Variants in IGF2R observed in about 807,000 individuals in gnomAD.
The protein encoded by IGF2R is cation-independent mannose-6-phosphate receptor.
In IGF2R, 91 loss-of-function variants were observed where a neutral mutation model predicts 270.6. That is an observed-to-expected ratio of 0.34 (90% confidence interval 0.28 to 0.40). The LOEUF is 0.40. Among genes scored for constraint, IGF2R ranks in the 10% least tolerant of loss-of-function variants. The pLI is 1.00. For missense variants in IGF2R, 2,805 were observed against 3,188.3 expected, an observed-to-expected ratio of 0.88 and a Z score of 2.90; for synonymous variants, 1,316 against 1,258.9, an observed-to-expected ratio of 1.05 and a Z score of -0.96.
chr6:160,034,642 G>A (rs1777773500), intron 10 of IGF2R, 120 bp downstream of exon 10: 1 of 653,280 alleles, frequency 1.5e-6, no homozygotes, highest in African/African-American at 1.8e-5. Context: ...CCCTCCTTTG[G>A]ACTGGCCAGC....
In IGF2R at chr6:160,040,728, CT is replaced by C. The variant is rs1562353309; in HGVS notation, c.1480+5del. ...TCCGCGCTGGTCCGCCATGCAGGTA[CT>C]GCCCTCCTTGCCATGCGGGTCTTAG... is the stretch of plus-strand genomic sequence containing the variant. On this transcript the variant is annotated splice_donor_5th_base_variant and intron_variant, in intron 11 of 47. Coordinates refer to ENST00000356956, the MANE Select transcript of IGF2R (RefSeq NM_000876.4). 1.2e-6 allele frequency: 2 copies of C among 1,609,720 alleles called. No individual in the cohort carries two copies. The highest frequency in any genetic ancestry group is 3.4e-5 in the Admixed American group (2 of 59,674).
In IGF2R at chr6:160,004,642, G is replaced by A; in HGVS notation, c.290-4368G>A. 1 of 154,250 alleles carries A rather than the reference G, an allele frequency of 6.5e-6. No individual in the cohort carries two copies. The highest frequency in any genetic ancestry group is 1.4e-5 in the Non-Finnish European group (1 of 69,552). 9.6% of individuals were successfully genotyped at this position (154,250 alleles called of 1,614,324 possible). On this transcript the variant is annotated intron_variant, in intron 2 of 47. Coordinates refer to ENST00000356956, the MANE Select transcript of IGF2R (RefSeq NM_000876.4). This position sits in a 1 kb window ranked among gnomAD's most constrained non-coding sequence, Gnocchi z 5.2. The stretch of plus-strand genomic sequence containing the variant: ...TGCGGATTCTGGAGAACCTCAAGGT[G>A]CGGCCCCGGGGGTGTGGCCAAGTGT...
At chr6:159,974,528 TAA>T (rs953753572) in intron 1 of IGF2R, among the ~76,000 whole-genome samples, 3 of 152,176 alleles carry the variant, frequency 2.0e-5, no homozygotes, top group African/African-American at 2.4e-5. Context: ...AGAACAGATT[TAA>T]AAAAATTTGA....
intron 20 of IGF2R, among the ~76,000 whole-genome samples, chr6:160,056,904 G>C (rs1778328752): frequency 6.6e-6 from 1 of 152,202 alleles, no homozygotes; most frequent in African/African-American, 2.4e-5. Flanking sequence ...CTAGAGGGTA[G>C]AGCCCGTATG....
chr6:159,991,829 G>T (rs957879787), intron 2 of IGF2R, among the ~76,000 whole-genome samples: 1 of 152,244 alleles, frequency 6.6e-6, no homozygotes, highest in African/African-American at 2.4e-5. Flanking sequence ...CTCAGAGAAA[G>T]AGGTGCAGCC....
rs79814867 is a variant in IGF2R at position 160,058,669 on chromosome 6, C to T, written c.2899-237C>T. On this transcript the variant is annotated intron_variant, in intron 21 of 47. Transcript: ENST00000356956. ...AGTAGATCTTACACATTTATAGATACGGGGATGTATGAATTTAAATGATGT... is the reference window on the plus strand; with the variant it reads ...AGTAGATCTTACACATTTATAGATATGGGGATGTATGAATTTAAATGATGT... Among the ~76,000 whole-genome samples the T allele has an allele frequency of 7.5e-3, 1,143 of 152,096 alleles. 11 individuals are homozygous for T. The highest frequency in any genetic ancestry group is 0.026 in the African/African-American group (1,071 of 41,496).
At chr6:160,039,071 C>T (rs927693506) in intron 10 of IGF2R, among the ~76,000 whole-genome samples, 1 of 152,160 alleles carries the variant, frequency 6.6e-6, no homozygotes, top group Non-Finnish European at 1.5e-5. Flanking sequence ...TCATGTGTTG[C>T]TTAACAATAG....
Position 160,032,609 on chromosome 6 carries a change from C to T in IGF2R, c.941C>T (p.Thr314Ile). Residue 314 changes from threonine (T) to isoleucine (I), a missense_variant, in exon 8 of 48, where the codon ACT becomes ATT. Coordinates refer to ENST00000356956, the MANE Select transcript of IGF2R (RefSeq NM_000876.4). ...SNCRYEIEWITEYACHRDYLE... is the reference protein window; with the variant it reads ...SNCRYEIEWIIEYACHRDYLE... ...TGCCGCTATGAAATTGAGTGGATTACTGAGTATGCCTGCCACAGAGATTAC... is the reference window on the plus strand; with the variant it reads ...TGCCGCTATGAAATTGAGTGGATTATTGAGTATGCCTGCCACAGAGATTAC... The T allele has an allele frequency of 6.2e-7, 1 of 1,614,154 alleles. No individual in the cohort carries two copies. Among genetic ancestry groups the T allele is most frequent in the African/African-American group, 1.3e-5 (1 of 75,056 alleles).
At chr6:160,099,452 T>C (rs770390677) in intron 45 of IGF2R, among the ~76,000 whole-genome samples, 3 of 152,150 alleles carry the variant, frequency 2.0e-5, no homozygotes, top group Non-Finnish European at 4.4e-5. Flanking sequence ...CTGCAAGCTC[T>C]GCCTCCCAGG....
At position 160,029,764 on chromosome 6, in the gene IGF2R, G is replaced by C. The variant is rs535598702; in HGVS notation, c.882+109G>C. On this transcript the variant is annotated intron_variant, in intron 7 of 47. Coordinates refer to ENST00000356956, the MANE Select transcript of IGF2R (RefSeq NM_000876.4). ...GGTGGGCCTGGATGCAGGAAGCTGG[G>C]AGCCATGACAGAGGCACTGGTGGGT... 3 of 712,040 alleles carry C rather than the reference G, an allele frequency of 4.2e-6. No individual in the cohort carries two copies. The East Asian group carries it at 8.1e-5, about 19-fold the overall frequency. The allele number at this position is 712,040 out of a possible 1,614,324, so 44.1% of individuals were successfully genotyped here.
chr6:160,104,557 G>A (rs1779569412), intron 47 of IGF2R, 117 bp from the exon 48 acceptor site: 4 of 1,046,322 alleles, frequency 3.8e-6, no homozygotes, highest in Non-Finnish European at 5.7e-6. Flanking sequence ...TGTGAGGACA[G>A]TGGGCCAGTT....
intron 5 of IGF2R, 78 bp from the exon 6 acceptor site, chr6:160,027,107 A>G: frequency 6.6e-7 from 1 of 1,512,430 alleles, no homozygotes; most frequent in Non-Finnish European, 9.1e-7. Flanking sequence ...ATGTATTTAA[A>G]GGGACCCTGG....
At chr6:160,021,776 A>C (rs993848424) in intron 4 of IGF2R, among the ~76,000 whole-genome samples, 1 of 152,168 alleles carries the variant, frequency 6.6e-6, no homozygotes, top group Non-Finnish European at 1.5e-5. Flanking sequence ...CTTATACACC[A>C]TTGGTGGGAA....
At position 160,084,951 on chromosome 6, in the gene IGF2R, G is replaced by A. The variant is rs200623583; in HGVS notation, c.6069-44G>A. The A allele has an allele frequency of 1.0e-4, 163 of 1,589,874 alleles. No individual in the cohort carries two copies. In the African/African-American group the frequency reaches 1.4e-3, roughly 13 times the overall value. On this transcript the variant is annotated intron_variant, in intron 40 of 47. Transcript: ENST00000356956. The surrounding 1 kb of genome is among the most constrained non-coding windows in gnomAD (Gnocchi z 4.6). The stretch of plus-strand genomic sequence containing the variant: ...AGCCCTCCTGTGTCAGGGCAGAGAC[G>A]TCACTTGCATGCCTTTTACCTGCCC...
At chr6:160,099,512 G>A (rs1272040722) in intron 45 of IGF2R, among the ~76,000 whole-genome samples, 1 of 152,118 alleles carries the variant, frequency 6.6e-6, no homozygotes, top group African/African-American at 2.4e-5. Flanking sequence ...GACTACAGGG[G>A]CCCGCTACCA....
At chr6:160,049,753 G>T (rs529335978) in intron 18 of IGF2R, among the ~76,000 whole-genome samples, 83 of 152,312 alleles carry the variant, frequency 5.4e-4, no homozygotes, top group African/African-American at 1.8e-3. Flanking sequence ...GTAAAATAAA[G>T]AGAGTAGAAT....
chr6:160,034,666 C>G, intron 10 of IGF2R, 144 bp downstream of exon 10: 1 of 526,826 alleles, frequency 1.9e-6, no homozygotes, highest in Non-Finnish European at 3.5e-6. Context: ...AGCCCCCAGA[C>G]TGGGTTTTTT....
Position 160,079,568 on chromosome 6 carries a change from GT to G in IGF2R, c.5479-7del. On this transcript the variant is annotated splice_polypyrimidine_tract_variant and intron_variant, in intron 37 of 47. Transcript: ENST00000356956. ...GCCACTCTGCTGACGGCCACGCATG[GT>G]TTTTGTCCAGGTGACTCGCGACTCG... 1 of 1,419,974 alleles carries G rather than the reference GT, an allele frequency of 7.0e-7. No individual in the cohort carries two copies. The allele number at this position is 1,419,974 out of a possible 1,614,324, so 88.0% of individuals were successfully genotyped here. A position where few individuals can be genotyped will look rare whatever the true frequency, so the allele number is the denominator to read the frequency against.
chr6:159,979,742 C>G (rs1783750366), intron 1 of IGF2R, among the ~76,000 whole-genome samples: 1 of 152,086 alleles, frequency 6.6e-6, no homozygotes, highest in South Asian at 2.1e-4. Context: ...CAGCTAAGGG[C>G]CCAGTGTGTC....
Sources: allele counts gnomAD v4.1 joint callset (sites outside exome capture counted in the v4.1 genomes callset), GRCh38; gene constraint gnomAD v4.1.1; non-coding constraint Gnocchi (gnomAD v3.1); transcripts MANE v1.5; gene names NCBI Gene and HGNC (gene_info 2026-07-23, HGNC 2026-07-21).